UNC13C: variants seen among roughly 807,000 people sequenced by gnomAD.
UNC13C encodes unc-13 homolog C, also known as protein unc-13 homolog C.
A neutral mutation model predicts 245.4 loss-of-function variants in UNC13C; 174 were observed. The ratio of observed to expected loss-of-function variants is 0.71; its 90% CI spans 0.63 to 0.80. The LOEUF (loss-of-function observed/expected upper bound fraction) is 0.80, where lower values mean the gene tolerates loss of function less well. Ranked by LOEUF, UNC13C falls within the 30% of genes least tolerant of loss-of-function variation. The pLI, the probability that UNC13C is intolerant of heterozygous loss-of-function variation, is 0.00. For missense variants in UNC13C, 2,829 were observed against 2,602.9 expected (o/e 1.09, Z -1.89); for synonymous variants, 992 against 895.1 (o/e 1.11, Z -1.93).
chr15:54,613,385 C>T (rs1900229547), intron 30 of UNC13C, among the ~76,000 whole-genome samples: 2 of 151,770 alleles, frequency 1.3e-5, no homozygotes, highest in South Asian at 4.1e-4. Flanking sequence ...TAGGAGAATG[C>T]ATGAATCATA....
chr15:54,326,225 G>A (rs566879298), intron 14 of UNC13C, among the ~76,000 whole-genome samples: 1 of 152,170 alleles, frequency 6.6e-6, no homozygotes, highest in South Asian at 2.1e-4. Context: ...GGAAAGACAA[G>A]TGTTGCTCAT....
At chr15:53,996,722 A>G (rs530327372) in intron 1 of UNC13C, among the ~76,000 whole-genome samples, 130 of 152,144 alleles carry the variant, frequency 8.5e-4, no homozygotes, top group Non-Finnish European at 1.6e-3. Flanking sequence ...TAGAGTATGT[A>G]TTCTTTTGTG....
At chr15:54,332,306 T>C (rs910065175) in intron 15 of UNC13C, among the ~76,000 whole-genome samples, 195 bp downstream of exon 15, 1 of 21,822 alleles carries the variant, frequency 4.6e-5, no homozygotes, top group Non-Finnish European at 1.4e-4. Context: ...AACAATACTC[T>C]GTGTGTGTGT....
At chr15:54,276,360 G>A (rs2036832412) in intron 10 of UNC13C, among the ~76,000 whole-genome samples, 1 of 152,050 alleles carries the variant, frequency 6.6e-6, no homozygotes, top group South Asian at 2.1e-4. Flanking sequence ...CATTCACTGT[G>A]TTAGCAGAGT....
At chr15:54,590,048 C>T (rs904030978) in intron 30 of UNC13C, among the ~76,000 whole-genome samples, 29 of 152,286 alleles carry the variant, frequency 1.9e-4, no homozygotes, top group African/African-American at 7.0e-4. Flanking sequence ...CAAACGGTGT[C>T]CTTTTCCCAC....
intron 30 of UNC13C, among the ~76,000 whole-genome samples, chr15:54,587,663 T>C (rs1358511145): frequency 6.6e-6 from 1 of 152,140 alleles, no homozygotes; most frequent in Admixed American, 6.5e-5. Flanking sequence ...TCCTCCCCTC[T>C]GGCAATCAGA....
At chr15:54,180,525 C>T (rs1946528) in intron 4 of UNC13C, among the ~76,000 whole-genome samples, 5 of 151,864 alleles carry the variant, frequency 3.3e-5, no homozygotes, top group African/African-American at 1.2e-4. Flanking sequence ...CCAGTAATGG[C>T]ATTGCTGGGT....
At chr15:54,239,299 C>T (rs1380816240) in intron 7 of UNC13C, among the ~76,000 whole-genome samples, 1 of 152,166 alleles carries the variant, frequency 6.6e-6, no homozygotes, top group Non-Finnish European at 1.5e-5. Flanking sequence ...CATCAGCAAG[C>T]TCCCCTACCC....
chr15:54,156,561 T>G (rs958333379), intron 4 of UNC13C, among the ~76,000 whole-genome samples: 2 of 152,068 alleles, frequency 1.3e-5, no homozygotes, highest in Non-Finnish European at 2.9e-5. Flanking sequence ...TAAGTTGCAT[T>G]TATTTGTATC....
the UNC13C span, among the ~76,000 whole-genome samples, chr15:53,960,549 A>G: frequency 1.3e-5 from 2 of 152,124 alleles, no homozygotes; most frequent in East Asian, 1.9e-4. Context: ...TATGACAAAA[A>G]TAAAACTTAT....
At chr15:54,502,261 G>A (rs963370727) in intron 22 of UNC13C, among the ~76,000 whole-genome samples, 7 of 152,090 alleles carry the variant, frequency 4.6e-5, no homozygotes, top group African/African-American at 1.7e-4. Flanking sequence ...AAGGGCCAAA[G>A]CTGCAAACAA....
intron 25 of UNC13C, among the ~76,000 whole-genome samples, chr15:54,528,571 G>C (rs150140366): frequency 2.1e-4 from 31 of 151,180 alleles, no homozygotes; most frequent in African/African-American, 7.5e-4. Flanking sequence ...CACGTAATAG[G>C]AGCATAAATA....
At chr15:53,919,752 G>T in the UNC13C span, among the ~76,000 whole-genome samples, 1 of 152,128 alleles carries the variant, frequency 6.6e-6, no homozygotes. Context: ...TGACCCAATT[G>T]TTCTTTACAC....
chr15:54,370,386 C>T (rs2039462527), intron 17 of UNC13C, among the ~76,000 whole-genome samples: 1 of 152,216 alleles, frequency 6.6e-6, no homozygotes, highest in South Asian at 2.1e-4. Context: ...CTAAATACCT[C>T]ATAATGAAAT....
intron 4 of UNC13C, among the ~76,000 whole-genome samples, chr15:54,180,834 C>T (rs1247706013): frequency 6.6e-6 from 1 of 151,748 alleles, no homozygotes; most frequent in African/African-American, 2.4e-5. Context: ...ATTTTGATGG[C>T]ATTATTCATT....
At position 54,450,720 on chromosome 15, in the gene UNC13C, G is replaced by A. The variant is rs529242588; in HGVS notation, c.4933+35653G>A. Among the ~76,000 whole-genome samples the A allele has an allele frequency of 3.6e-3, 546 of 152,292 alleles. 4 individuals are homozygous for A. The highest frequency in any genetic ancestry group is 0.012 in the African/African-American group (515 of 41,540). On this transcript the variant is annotated intron_variant, in intron 19 of 32. Transcript: ENST00000260323. The stretch of plus-strand genomic sequence containing the variant: ...AATTCCCTGACCCCTTGCGCTTCCC[G>A]GTTGAGGTGATGCCTTGCCCTGCTT...
At chr15:54,481,388 G>A (rs532035) in intron 19 of UNC13C, among the ~76,000 whole-genome samples, 19,014 of 152,126 alleles carry the variant, frequency 0.12, 1,308 homozygotes, top group Non-Finnish European at 0.16. Flanking sequence ...GGTGCAGACT[G>A]CAAGAAAGAA....
intron 24 of UNC13C, among the ~76,000 whole-genome samples, chr15:54,512,642 G>A (rs750552756): frequency 2.0e-5 from 3 of 152,228 alleles, no homozygotes; most frequent in African/African-American, 4.8e-5. Context: ...CCCTTATTCC[G>A]CTGGAAACAA....
At chr15:54,321,644 T>A (rs2038162848) in intron 13 of UNC13C, 1 of 362,866 alleles carries the variant, frequency 2.8e-6, no homozygotes, top group East Asian at 6.3e-5. Context: ...CTGTTCAGGC[T>A]CTTTCAAAAA....
Sources: allele counts gnomAD v4.1 joint callset (sites outside exome capture counted in the v4.1 genomes callset), GRCh38; gene constraint gnomAD v4.1.1; transcripts MANE v1.5; gene names NCBI Gene and HGNC (gene_info 2026-07-23, HGNC 2026-07-21).